Variants in TENM2 observed in about 807,000 individuals in gnomAD.
The protein encoded by TENM2 is teneurin transmembrane protein 2, also known as teneurin-2.
A neutral mutation model predicts 245.2 loss-of-function variants in TENM2; 52 were observed. The ratio of observed to expected loss-of-function variants is 0.21; its 90% CI spans 0.17 to 0.27. The LOEUF is 0.27. Ranked by LOEUF, TENM2 falls within the 10% of genes least tolerant of loss-of-function variation. The probability of loss-of-function intolerance (pLI) is 1.00; values close to 1 mark genes in which losing one functional copy is unlikely to be tolerated. For synonymous variants in TENM2, 1,363 were observed against 1,438.9 expected, an observed-to-expected ratio of 0.95 and a Z score of 1.19; for missense variants, 3,046 against 3,666.8, an observed-to-expected ratio of 0.83 and a Z score of 4.37.
At chr5:167,820,194 C>T (rs1011687772) in intron 2 of TENM2, among the ~76,000 whole-genome samples, 7 of 152,114 alleles carry the variant, frequency 4.6e-5, no homozygotes, top group South Asian at 4.2e-4. Flanking sequence ...AGTTGGGACA[C>T]GCCTCAAAGT....
intron 3 of TENM2, among the ~76,000 whole-genome samples, chr5:167,928,832 G>A (rs1777963657): frequency 6.9e-6 from 1 of 144,768 alleles, no homozygotes; most frequent in Admixed American, 7.1e-5. Flanking sequence ...GGAGGCAGAG[G>A]TTGCAGTGAG....
chr5:167,448,916 A>G (rs1322945738), intron 2 of TENM2, among the ~76,000 whole-genome samples: 1 of 152,012 alleles, frequency 6.6e-6, no homozygotes, highest in Non-Finnish European at 1.5e-5. Flanking sequence ...AATATAAAGG[A>G]AAAACAAGAG....
At chr5:167,610,573 G>A (rs1455982772) in intron 2 of TENM2, among the ~76,000 whole-genome samples, 1 of 152,088 alleles carries the variant, frequency 6.6e-6, no homozygotes, top group African/African-American at 2.4e-5. Context: ...AGAACAGAAA[G>A]CAAATATATA....
the TENM2 span, among the ~76,000 whole-genome samples, chr5:167,091,745 C>A: frequency 1.3e-5 from 2 of 152,058 alleles, no homozygotes; most frequent in Admixed American, 6.6e-5. Flanking sequence ...GTTAAGGTGA[C>A]AAACTGTTAA....
the TENM2 span, among the ~76,000 whole-genome samples, chr5:166,995,723 G>A: frequency 0.85 from 127,176 of 148,878 alleles, 54,487 homozygotes; most frequent in African/African-American, 0.88. Context: ...GGCTGAGGCA[G>A]GAGAATTGCT....
In TENM2 at chr5:168,204,402, A is replaced by G; in HGVS notation, c.3605A>G (p.Gln1202Arg). The change falls in exon 19 of 29, where the codon CAG (glutamine) becomes CGG (arginine). Residue 1202 changes from glutamine to arginine, a missense_variant. By Grantham distance (43) the Gln-to-Arg change is conservative. Around this residue, in one of 2 missense-constraint regions of TENM2, gnomAD observed 2,704 missense variants for 3,331.9 expected, o/e 0.81. Transcript: ENST00000518659. Reference sequence around the variant, plus strand: ...CTACACAAAGGCACTGGGGAAAACCAGTTCCTGACCCAGCAGCCTGCCATC... The same window carrying G: ...CTACACAAAGGCACTGGGGAAAACCGGTTCCTGACCCAGCAGCCTGCCATC... The G allele has an allele frequency of 3.1e-6, 5 of 1,613,952 alleles. 1 individual carries two copies. The South Asian group carries it at 4.4e-5, about 14-fold the overall frequency.
chr5:167,298,575 G>T (rs1385767433), intron 1 of TENM2, among the ~76,000 whole-genome samples: 1 of 152,210 alleles, frequency 6.6e-6, no homozygotes, highest in Non-Finnish European at 1.5e-5. Flanking sequence ...CTGCACTCCA[G>T]CCTGGGCGAC....
intron 2 of TENM2, among the ~76,000 whole-genome samples, chr5:167,462,784 G>A (rs980700659): frequency 2.0e-5 from 3 of 151,898 alleles, no homozygotes; most frequent in African/African-American, 7.2e-5. Context: ...GCGCGTAGAG[G>A]GCCAAAAGGC....
Position 167,358,803 on chromosome 5 carries a change from GCACACACACACACACACACACACACACA to G in TENM2, c.227-16373_227-16346del, listed in dbSNP as rs58530155. Among the ~76,000 whole-genome samples, 9 of 143,972 alleles carry G rather than the reference GCACACACACACACACACACACACACACA, an allele frequency of 6.3e-5. No homozygotes were observed. In the South Asian group the frequency reaches 2.1e-3, roughly 34 times the overall value. The allele number at this position is 143,972 out of a possible 152,430, so 94.5% of individuals were successfully genotyped here. A position where few individuals can be genotyped will look rare whatever the true frequency, so the allele number is the denominator to read the frequency against. Reference sequence around the variant, plus strand: ...ATCTCGAAGACTGAAATTCTGATCTGCACACACACACACACACACACACACACACACACACACACACACACACACCCTG... The same window carrying G: ...ATCTCGAAGACTGAAATTCTGATCTGCACACACACACACACACACACCCTG... On this transcript the variant is annotated intron_variant, in intron 1 of 28. Coordinates refer to ENST00000518659, the Ensembl canonical transcript of TENM2.
At chr5:168,252,275 G>A (rs1004927744) in intron 27 of TENM2, among the ~76,000 whole-genome samples, 31 of 151,456 alleles carry the variant, frequency 2.0e-4, no homozygotes. Context: ...CTGCTTGGGA[G>A]GCTGAGGCAA....
At chr5:167,287,986 C>T (rs1052951640) in intron 1 of TENM2, among the ~76,000 whole-genome samples, 8 of 152,184 alleles carry the variant, frequency 5.3e-5, no homozygotes, top group Non-Finnish European at 1.0e-4. Flanking sequence ...CAGCCCTAAT[C>T]CAACCTGTGA....
At chr5:167,653,022 C>T (rs1242355732) in intron 2 of TENM2, among the ~76,000 whole-genome samples, 1 of 152,106 alleles carries the variant, frequency 6.6e-6, no homozygotes, top group Non-Finnish European at 1.5e-5. Flanking sequence ...ATATATTATT[C>T]TATTGAGTCA....
chr5:167,422,557 T>G (rs1239070421), intron 2 of TENM2, among the ~76,000 whole-genome samples: 1 of 152,216 alleles, frequency 6.6e-6, no homozygotes, highest in Non-Finnish European at 1.5e-5. Flanking sequence ...CATTGGAGTA[T>G]TCTCTAGAAT....
In TENM2 at chr5:167,925,440, G is replaced by A. The variant is rs531755044; in HGVS notation, c.713-27148G>A. ...AAATATTCTCTATCCTGAGAAAGCCGATAGTTACATGGGTATATGTATTTG... is the reference window on the plus strand; with the variant it reads ...AAATATTCTCTATCCTGAGAAAGCCAATAGTTACATGGGTATATGTATTTG... On this transcript the variant is annotated intron_variant, in intron 3 of 28. Coordinates refer to ENST00000518659, the Ensembl canonical transcript of TENM2. Among the ~76,000 whole-genome samples the A allele has an allele frequency of 2.6e-5, 4 of 152,306 alleles. No individual in the cohort carries two copies. The South Asian group carries it at 6.2e-4, about 24-fold the overall frequency.
At position 167,418,213 on chromosome 5, in the gene TENM2, C is replaced by T. The variant is rs554763040; in HGVS notation, c.502+42740C>T. Among the ~76,000 whole-genome samples, 18 of 152,024 alleles carry T rather than the reference C, an allele frequency of 1.2e-4. No homozygotes were observed. The East Asian group carries it at 3.3e-3, about 28-fold the overall frequency. On this transcript the variant is annotated intron_variant, in intron 2 of 28. Transcript: ENST00000518659. ...GTGTGGTGGCACATGCCTGTAATCC[C>T]AGCTACTTGGGAGGCTGAGGCGGGA...
chr5:168,262,205 T>G (rs538348798), exon 29 of TENM2: 1 of 1,610,152 alleles, frequency 6.2e-7, no homozygotes, highest in East Asian at 2.2e-5. Context: ...AGGCATCATG[T>G]TTGCCATCAA....
Position 167,431,961 on chromosome 5 carries a change from G to GTATATA in TENM2, c.502+56500_502+56505dup, listed in dbSNP as rs112010521. On this transcript the variant is annotated intron_variant, in intron 2 of 28. Transcript: ENST00000518659. The stretch of plus-strand genomic sequence containing the variant: ...TATACATATATATGTATATATATAT[G>GTATATA]TATATATATATATATATGGAAGTTC... 8.0e-4 allele frequency among the ~76,000 whole-genome samples: 35 copies of GTATATA among 43,584 alleles called. 1 individual carries two copies. The highest frequency in any genetic ancestry group is 1.5e-3 in the African/African-American group (30 of 19,738). The allele number at this position is 43,584 out of a possible 152,430, so 28.6% of individuals were successfully genotyped here.
the TENM2 span, among the ~76,000 whole-genome samples, chr5:167,244,977 G>A: frequency 6.6e-6 from 1 of 151,936 alleles, no homozygotes; most frequent in African/African-American, 2.4e-5. Flanking sequence ...ATCAGAAAAT[G>A]CAAAGGAACA....
intron 9 of TENM2, among the ~76,000 whole-genome samples, chr5:168,116,674 T>C (rs1795105375): frequency 6.6e-6 from 1 of 152,228 alleles, no homozygotes; most frequent in Non-Finnish European, 1.5e-5. Flanking sequence ...CTGTCTTGAA[T>C]AGCTGACTAT....
Sources: allele counts gnomAD v4.1 joint callset (sites outside exome capture counted in the v4.1 genomes callset), GRCh38; gene constraint gnomAD v4.1.1; regional missense constraint gnomAD v4.1.1; transcripts MANE v1.5; gene names NCBI Gene and HGNC (gene_info 2026-07-23, HGNC 2026-07-21).